Variants in LRP1B observed in about 807,000 individuals in gnomAD.
LRP1B encodes LDL receptor related protein 1B.
A neutral mutation model predicts 556.6 loss-of-function variants in LRP1B; 217 were observed. The observed-to-expected ratio is 0.39, with a 90% CI of 0.35 to 0.44. The LOEUF (loss-of-function observed/expected upper bound fraction) is 0.44. Ranked by LOEUF, LRP1B falls within the 20% of genes least tolerant of loss-of-function variation. LRP1B has a pLI of 1.00. For synonymous variants in LRP1B, 2,047 were observed against 1,865.8 expected (o/e 1.10, Z -2.50); for missense variants, 5,053 against 5,620.8 (o/e 0.90, Z 3.23).
intron 7 of LRP1B, among the ~76,000 whole-genome samples, chr2:141,180,015 T>C (rs939037315): frequency 3.1e-4 from 47 of 151,928 alleles, no homozygotes; most frequent in Middle Eastern, 3.4e-3. Flanking sequence ...TTATTGTTTT[T>C]AATTTTTGTT....
At chr2:141,181,603 T>C (rs139759703) in intron 7 of LRP1B, among the ~76,000 whole-genome samples, 1 of 152,054 alleles carries the variant, frequency 6.6e-6, no homozygotes, top group Non-Finnish European at 1.5e-5. Context: ...GGAACGTTTT[T>C]GCATTGTGTT....
At chr2:141,244,644 A>G (rs2105322481) in intron 5 of LRP1B, among the ~76,000 whole-genome samples, 1 of 152,290 alleles carries the variant, frequency 6.6e-6, no homozygotes, top group East Asian at 1.9e-4. Flanking sequence ...GGAATTACAT[A>G]TAACTGAAGC....
chr2:141,803,789 C>T (rs1041343195), intron 2 of LRP1B, among the ~76,000 whole-genome samples: 7 of 152,088 alleles, frequency 4.6e-5, no homozygotes, highest in Non-Finnish European at 7.4e-5. Context: ...TTTTATTTCT[C>T]TGACCTATGT....
At chr2:140,885,065 T>C (rs895111931) in intron 24 of LRP1B, among the ~76,000 whole-genome samples, 2 of 152,188 alleles carry the variant, frequency 1.3e-5, no homozygotes, top group East Asian at 3.9e-4. Flanking sequence ...TCCTTGTAGT[T>C]TGTAACATTG....
chr2:141,591,929 G>A (rs1264422536), intron 2 of LRP1B, among the ~76,000 whole-genome samples: 1 of 152,010 alleles, frequency 6.6e-6, no homozygotes, highest in Non-Finnish European at 1.5e-5. Flanking sequence ...ATCTTCTCGT[G>A]GCCCAATTGT....
intron 77 of LRP1B, among the ~76,000 whole-genome samples, chr2:140,342,649 G>A (rs1436714307): frequency 6.6e-6 from 1 of 151,430 alleles, no homozygotes; most frequent in Non-Finnish European, 1.5e-5. Context: ...CAAAGAATAG[G>A]ATGGGGACTC....
At chr2:140,959,543 T>C (rs1695972834) in intron 18 of LRP1B, among the ~76,000 whole-genome samples, 1 of 151,672 alleles carries the variant, frequency 6.6e-6, no homozygotes, top group Non-Finnish European at 1.5e-5. Flanking sequence ...TTTAGATTTT[T>C]TATCCCAAGA....
At chr2:140,822,884 G>A (rs1296554447) in intron 31 of LRP1B, among the ~76,000 whole-genome samples, 5 of 152,104 alleles carry the variant, frequency 3.3e-5, no homozygotes, top group African/African-American at 4.8e-5. Flanking sequence ...ACCTTCTTTC[G>A]ACAAGACTCA....
At chr2:140,606,212 T>C (rs1346797765) in intron 41 of LRP1B, among the ~76,000 whole-genome samples, 2 of 151,974 alleles carry the variant, frequency 1.3e-5, no homozygotes, top group Admixed American at 1.3e-4. Flanking sequence ...TTGTATTCTA[T>C]ATAAGAGCAA....
intron 3 of LRP1B, among the ~76,000 whole-genome samples, chr2:141,353,125 C>T (rs957876169): frequency 6.6e-6 from 1 of 151,810 alleles, no homozygotes; most frequent in African/African-American, 2.4e-5. Flanking sequence ...TTCTTGTGGA[C>T]ACAGAAAGAT....
chr2:140,532,247 A>G (rs779792617), intron 47 of LRP1B, among the ~76,000 whole-genome samples: 29 of 152,092 alleles, frequency 1.9e-4, no homozygotes, highest in Admixed American at 5.2e-4. Flanking sequence ...TGAAATGTAA[A>G]TTTGATTATA....
intron 2 of LRP1B, among the ~76,000 whole-genome samples, chr2:141,660,177 G>A (rs1228030407): frequency 1.3e-5 from 2 of 152,084 alleles, no homozygotes; most frequent in African/African-American, 2.4e-5. Flanking sequence ...GACCCACAGA[G>A]AGTGAGGAAA....
chr2:140,778,422 C>T (rs1401035976), intron 32 of LRP1B, among the ~76,000 whole-genome samples: 2 of 152,042 alleles, frequency 1.3e-5, no homozygotes, highest in Non-Finnish European at 2.9e-5. Flanking sequence ...CTCTCAATAC[C>T]GTAAGTCTGA....
intron 2 of LRP1B, among the ~76,000 whole-genome samples, chr2:141,554,741 A>G (rs1685897574): frequency 6.6e-6 from 1 of 152,020 alleles, no homozygotes; most frequent in Admixed American, 6.6e-5. Context: ...TTTAGTTCAA[A>G]AAATGACTGC....
chr2:141,155,327 T>C (rs1347869356), intron 7 of LRP1B, among the ~76,000 whole-genome samples: 1 of 151,918 alleles, frequency 6.6e-6, no homozygotes, highest in Non-Finnish European at 1.5e-5. Flanking sequence ...AATAATGCTT[T>C]ATATTTATAT....
At chr2:140,852,470 T>A (rs1360777349) in intron 27 of LRP1B, among the ~76,000 whole-genome samples, 1 of 152,228 alleles carries the variant, frequency 6.6e-6, no homozygotes, top group Non-Finnish European at 1.5e-5. Context: ...ATGTTGTTAT[T>A]TTCTTAACCA....
chr2:141,495,811 T>A (rs529930591), intron 2 of LRP1B, among the ~76,000 whole-genome samples: 14 of 152,202 alleles, frequency 9.2e-5, no homozygotes, highest in African/African-American at 3.1e-4. Flanking sequence ...TACACATATA[T>A]ATCTGTCACT....
chr2:140,466,959 T>C (rs1036329143), intron 60 of LRP1B, among the ~76,000 whole-genome samples: 3 of 152,168 alleles, frequency 2.0e-5, no homozygotes, highest in African/African-American at 7.2e-5. Flanking sequence ...TTGATACAAG[T>C]GGTCAAAAAT....
intron 86 of LRP1B, among the ~76,000 whole-genome samples, chr2:140,252,979 A>T (rs6430888): frequency 6.6e-6 from 1 of 152,074 alleles, no homozygotes. Context: ...TTCAATAAAT[A>T]CTTTGGTACT....
Sources: allele counts gnomAD v4.1 joint callset (sites outside exome capture counted in the v4.1 genomes callset), GRCh38; gene constraint gnomAD v4.1.1; transcripts MANE v1.5; gene names NCBI Gene and HGNC (gene_info 2026-07-23, HGNC 2026-07-21).